TP73: variants seen among roughly 807,000 people sequenced by gnomAD.
TP73 encodes the protein tumor protein p73.
Under a neutral mutation model 62.5 loss-of-function variants are expected in TP73, and 25 were observed. The ratio of observed to expected loss-of-function variants is 0.40; its 90% confidence interval spans 0.29 to 0.56. The LOEUF (loss-of-function observed/expected upper bound fraction) is 0.56, where lower values mean the gene tolerates loss of function less well. TP73 is among the 20% of genes least tolerant of loss of function. The probability of loss-of-function intolerance (pLI) is 0.46; values close to 1 mark genes in which losing one functional copy is unlikely to be tolerated. For missense variants in TP73, 754 were observed against 913.3 expected, an observed-to-expected ratio of 0.83 and a Z score of 2.25; for synonymous variants, 423 against 377.5, an observed-to-expected ratio of 1.12 and a Z score of -1.40.
rs202005425 is a variant in TP73 at position 3,728,142 on chromosome 1, C to G, written c.999C>G (p.Ser333Arg). ...CTGGCCTTCCAGCCTTCAAGCAGAG[C>G]CCCCCTGCCGTCCCCGCCCTTGGTG... ...GAASKRAFKQ[S>R]PPAVPALGAG... The change falls in exon 9 of 14, where the codon AGC becomes AGG. Residue 333 changes from serine to arginine, a missense_variant. Coordinates refer to ENST00000378295, the MANE Select transcript of TP73 (RefSeq NM_005427.4). The G allele has an allele frequency of 1.3e-4, 208 of 1,610,642 alleles. No homozygotes were observed. Among genetic ancestry groups the G allele is most frequent in the Non-Finnish European group, 1.6e-4 (192 of 1,179,824 alleles).
intron 1 of TP73, among the ~76,000 whole-genome samples, chr1:3,657,613 C>G (rs959924398): frequency 2.6e-5 from 4 of 152,230 alleles, no homozygotes; most frequent in Non-Finnish European, 5.9e-5. Context: ...AAAACATTCT[C>G]CCGGACAAGG....
In TP73 at chr1:3,666,882, A is replaced by T. The variant is rs560339282; in HGVS notation, c.-34+14241A>T. ...AGGGACATTTATGGTTGGCAAAAAA[A>T]AGTGGCTCCCCAAAGGTCTTCACGT... is the stretch of plus-strand genomic sequence containing the variant. On this transcript the variant is annotated intron_variant, in intron 1 of 13. Transcript: ENST00000378295. This position sits in a 1 kb window ranked among gnomAD's most constrained non-coding sequence, Gnocchi z 6.4. Among the ~76,000 whole-genome samples, 249 of 152,256 alleles carry T rather than the reference A, an allele frequency of 1.6e-3. No homozygotes were observed. Among genetic ancestry groups the T allele is most frequent in the Middle Eastern group, 0.014 (4 of 294 alleles).
chr1:3,687,336 C>G (rs1197130000), intron 3 of TP73, among the ~76,000 whole-genome samples: 1 of 152,168 alleles, frequency 6.6e-6, no homozygotes, highest in Non-Finnish European at 1.5e-5. Context: ...CTGGATGCCA[C>G]CTGGGTGGGG....
intron 1 of TP73, among the ~76,000 whole-genome samples, chr1:3,676,846 C>T (rs564595263): frequency 2.6e-5 from 4 of 151,844 alleles, no homozygotes; most frequent in Non-Finnish European, 4.4e-5. Flanking sequence ...GCCACGGCCC[C>T]GACAGCTGGG....
At chr1:3,710,188 G>A (rs1640011228) in intron 4 of TP73, among the ~76,000 whole-genome samples, 1 of 143,886 alleles carries the variant, frequency 6.9e-6, no homozygotes, top group Admixed American at 6.9e-5. Flanking sequence ...TGGGCTCTGT[G>A]GATGCTGGGG....
intron 4 of TP73, among the ~76,000 whole-genome samples, chr1:3,713,218 C>T (rs1640304686): frequency 2.0e-5 from 3 of 152,340 alleles, no homozygotes; most frequent in South Asian, 4.1e-4. Flanking sequence ...AGGAAAATCC[C>T]TCAAGAACGC....
At chr1:3,690,947 A>G in intron 3 of TP73, 1 of 1,578,476 alleles carries the variant, frequency 6.3e-7, no homozygotes, top group Non-Finnish European at 8.6e-7. Flanking sequence ...TCGCCACGGT[A>G]GGTGTGACGC....
intron 1 of TP73, among the ~76,000 whole-genome samples, chr1:3,680,609 C>T (rs1191687933): frequency 1.3e-5 from 2 of 152,230 alleles, no homozygotes; most frequent in Non-Finnish European, 2.9e-5. Flanking sequence ...GCCCACATAC[C>T]TGCACCAAGA....
chr1:3,679,390 G>A (rs904016705), intron 1 of TP73, among the ~76,000 whole-genome samples: 12 of 152,168 alleles, frequency 7.9e-5, no homozygotes, highest in East Asian at 1.9e-4. Flanking sequence ...GCGGGATGCC[G>A]TCGGCTCCCA....
At position 3,731,068 on chromosome 1, in the gene TP73, G is replaced by A. The variant is rs1366583475; in HGVS notation, c.1484+3G>A. On this transcript the variant is annotated splice_donor_region_variant and intron_variant, in intron 12 of 13. Transcript: ENST00000378295. ...CACGCCGACCCCAGCCTCGTCAGGT[G>A]CGTGGGCTGCCGAGGGCCTGAGCAT... 1.9e-6 allele frequency: 3 copies of A among 1,609,966 alleles called. No homozygotes were observed. Among genetic ancestry groups the A allele is most frequent in the Non-Finnish European group, 2.5e-6 (3 of 1,178,334 alleles).
intron 4 of TP73, among the ~76,000 whole-genome samples, chr1:3,712,987 C>T (rs964080968): frequency 6.6e-6 from 1 of 152,176 alleles, no homozygotes; most frequent in South Asian, 2.1e-4. Flanking sequence ...CCCTGTGACC[C>T]TCAGGGCCCC....
intron 4 of TP73, among the ~76,000 whole-genome samples, chr1:3,713,569 G>A (rs952938129): frequency 6.6e-6 from 1 of 152,158 alleles, no homozygotes; most frequent in Non-Finnish European, 1.5e-5. Flanking sequence ...CAGGCCAGTG[G>A]TCACTTCTGG....
At chr1:3,714,094 C>T (rs2124435715) in intron 4 of TP73, 1 of 152,308 alleles carries the variant, frequency 6.6e-6, no homozygotes, top group Non-Finnish European at 1.5e-5. Context: ...CTGCAGGGGT[C>T]AGAGATTCGG....
chr1:3,687,582 C>T (rs532561353), intron 3 of TP73, among the ~76,000 whole-genome samples: 3 of 152,256 alleles, frequency 2.0e-5, no homozygotes, highest in East Asian at 3.9e-4. Context: ...ATGAGACCTG[C>T]GGCCCTTGCT....
At position 3,699,964 on chromosome 1, in the gene TP73, C is replaced by T. The variant is rs748135881; in HGVS notation, c.187-7585C>T. On this transcript the variant is annotated intron_variant, in intron 3 of 13. Transcript: ENST00000378295. The surrounding 1 kb of genome is among the most constrained non-coding windows in gnomAD (Gnocchi z 4.1). ...GCTCGGGCCCCAGTCTCCTGATCTC[C>T]GCCAAGCCCAGGGCCCCAGGAAGCG... 2.6e-5 allele frequency among the ~76,000 whole-genome samples: 4 copies of T among 152,088 alleles called. No individual in the cohort carries two copies. The highest frequency in any genetic ancestry group is 6.5e-5 in the Admixed American group (1 of 15,272).
chr1:3,730,868 A>G (rs1642082614), intron 11 of TP73, 59 bp from the exon 12 acceptor site: 2 of 1,523,400 alleles, frequency 1.3e-6, no homozygotes, highest in Non-Finnish European at 1.8e-6. Context: ...GCCTGGGTGG[A>G]GGCTGCACCT....
At chr1:3,705,836 G>A (rs1473479022) in intron 3 of TP73, among the ~76,000 whole-genome samples, 1 of 152,248 alleles carries the variant, frequency 6.6e-6, no homozygotes, top group Non-Finnish European at 1.5e-5. Flanking sequence ...AGGGGCCGGG[G>A]GATGCGGCCC....
intron 5 of TP73, 90 bp from the exon 6 acceptor site, chr1:3,723,264 A>C (rs1309801472): frequency 1.0e-6 from 1 of 987,206 alleles, no homozygotes; most frequent in Non-Finnish European, 1.5e-6. Context: ...GCACCCTTTG[A>C]ACCCGGCACA....
At chr1:3,665,293 TCCCCC>T (rs1378203463) in intron 1 of TP73, among the ~76,000 whole-genome samples, 1 of 151,568 alleles carries the variant, frequency 6.6e-6, no homozygotes, top group East Asian at 1.9e-4. Flanking sequence ...GTTGTGAAAG[TCCCCC>T]CCAAGCTTTT....
Sources: gnomAD v4.1 joint callset for allele counts (sites outside exome capture counted in the v4.1 genomes callset) on GRCh38, gnomAD v4.1.1 for gene constraint, Gnocchi (gnomAD v3.1) non-coding constraint, MANE v1.5 for transcripts, NCBI Gene and HGNC (gene_info 2026-07-23, HGNC 2026-07-21) for gene names.